Variants in CACNA1E observed in about 807,000 individuals in gnomAD.
CACNA1E encodes voltage-dependent R-type calcium channel subunit alpha-1E.
Under a neutral mutation model 259.2 loss-of-function variants are expected in CACNA1E, and 40 were observed. The observed-to-expected ratio is 0.15, with a 90% CI of 0.12 to 0.20. The LOEUF (loss-of-function observed/expected upper bound fraction) is 0.20, where lower values mean the gene tolerates loss of function less well. CACNA1E is among the 10% of genes least tolerant of loss of function. The pLI, the probability that CACNA1E is intolerant of heterozygous loss-of-function variation, is 1.00. For missense variants in CACNA1E, 1,874 were observed against 3,040.1 expected, an observed-to-expected ratio of 0.62 and a Z score of 9.02; for synonymous variants, 1,104 against 1,138.5, an observed-to-expected ratio of 0.97 and a Z score of 0.61.
chr1:181,702,825 G>A (rs575811973), intron 7 of CACNA1E, among the ~76,000 whole-genome samples: 3 of 152,144 alleles, frequency 2.0e-5, no homozygotes, highest in East Asian at 3.9e-4. Flanking sequence ...CCAGCTCCCC[G>A]ACACCCAATA....
At position 181,738,386 on chromosome 1, in the gene CACNA1E, A is replaced by T. The variant is rs1352285149; in HGVS notation, c.3572A>T (p.Tyr1191Phe). ...ERNKVLRYFDYVFTGVFTFEM... is the reference protein window; with the variant it reads ...ERNKVLRYFDFVFTGVFTFEM... ...TTTCAGGTCCTGAGGTATTTTGACT[A>T]TGTGTTCACGGGCGTGTTCACCTTT... is the stretch of plus-strand genomic sequence containing the variant. The change falls in exon 24 of 48, where the codon TAT becomes TTT. Residue 1191 changes from tyrosine (Y) to phenylalanine (F), a missense_variant. Tyr to Phe is a conservative substitution (Grantham distance 22). Coordinates refer to ENST00000367573, the MANE Select transcript of CACNA1E (RefSeq NM_001205293.3). The T allele has an allele frequency of 1.2e-6, 2 of 1,613,790 alleles. No homozygotes were observed. The highest frequency in any genetic ancestry group is 2.2e-5 in the South Asian group (2 of 91,070).
intron 7 of CACNA1E, among the ~76,000 whole-genome samples, chr1:181,699,808 G>A: frequency 6.6e-6 from 1 of 152,140 alleles, no homozygotes; most frequent in Non-Finnish European, 1.5e-5. Context: ...GATGAGAAAG[G>A]AAGAAGGGAA....
intron 3 of CACNA1E, among the ~76,000 whole-genome samples, chr1:181,573,411 G>A (rs760410379): frequency 1.3e-4 from 20 of 152,124 alleles, no homozygotes; most frequent in Non-Finnish European, 2.6e-4. Flanking sequence ...GTACTTACAA[G>A]GCCCATAGTT....
chr1:181,630,067 G>T (rs978605471), intron 6 of CACNA1E, among the ~76,000 whole-genome samples: 2 of 152,248 alleles, frequency 1.3e-5, no homozygotes, highest in Middle Eastern at 3.4e-3. Context: ...CATGAAGATA[G>T]GTGGGAAGAA....
intron 3 of CACNA1E, among the ~76,000 whole-genome samples, chr1:181,576,498 G>A (rs1650991509): frequency 6.6e-6 from 1 of 152,236 alleles, no homozygotes; most frequent in Non-Finnish European, 1.5e-5. Context: ...TTTCCATACA[G>A]TTCTTTTTCT....
chr1:181,459,998 T>C (rs902864937), intron 2 of CACNA1E, among the ~76,000 whole-genome samples: 2 of 152,202 alleles, frequency 1.3e-5, no homozygotes, highest in Non-Finnish European at 2.9e-5. Context: ...TTGCCTGCCT[T>C]ACTTCCCTTT....
intron 1 of CACNA1E, among the ~76,000 whole-genome samples, chr1:181,396,262 C>T (rs1020280173): frequency 6.6e-6 from 1 of 152,222 alleles, no homozygotes; most frequent in Non-Finnish European, 1.5e-5. Context: ...TAGTGTCATG[C>T]CATCACCTCT....
chr1:181,594,408 C>T (rs77518770), intron 6 of CACNA1E, among the ~76,000 whole-genome samples: 6,398 of 152,144 alleles, frequency 0.042, 486 homozygotes, highest in African/African-American at 0.15. Flanking sequence ...GGGTTATATT[C>T]AGAAGACCTG....
chr1:181,447,205 C>T (rs936053651), intron 2 of CACNA1E, among the ~76,000 whole-genome samples: 1 of 151,968 alleles, frequency 6.6e-6, no homozygotes, highest in African/African-American at 2.4e-5. Flanking sequence ...GGGATTTTCC[C>T]CCCCTATAAA....
At chr1:181,565,891 C>T (rs971519113) in intron 3 of CACNA1E, among the ~76,000 whole-genome samples, 3 of 135,772 alleles carry the variant, frequency 2.2e-5, no homozygotes, top group Admixed American at 1.5e-4. Context: ...CTGGGGGGTA[C>T]CTGCGGAGAG....
Position 181,580,662 on chromosome 1 carries a change from C to T in CACNA1E, c.837C>T (p.Cys279=), listed in dbSNP as rs1212962552. Residue 279 remains cysteine (C), a synonymous_variant, in exon 6 of 48, where the codon TGC becomes TGT. Transcript: ENST00000367573. ...AGGGCTGCCCAGCTGGTTATGAATG[C>T]AAGGACTGGATCGGCCCCAATGATG... is the stretch of plus-strand genomic sequence containing the variant. ...GVQGCPAGYE[C]KDWIGPNDGI... 1 of 1,614,006 alleles carries T rather than the reference C, an allele frequency of 6.2e-7. No individual in the cohort carries two copies. The highest frequency in any genetic ancestry group is 8.5e-7 in the Non-Finnish European group (1 of 1,179,874).
intron 1 of CACNA1E, among the ~76,000 whole-genome samples, chr1:181,322,029 T>G (rs2102562108): frequency 6.6e-6 from 1 of 152,198 alleles, no homozygotes; most frequent in Non-Finnish European, 1.5e-5. Flanking sequence ...ATGGGGCTTA[T>G]GGACAGGAGT....
At chr1:181,603,651 G>A (rs1367359796) in intron 6 of CACNA1E, among the ~76,000 whole-genome samples, 1 of 151,994 alleles carries the variant, frequency 6.6e-6, no homozygotes, top group African/African-American at 2.4e-5. Context: ...TTAAAGTAGG[G>A]CCATCTCTTA....
At chr1:181,716,863 T>C (rs1266838871) in intron 10 of CACNA1E, among the ~76,000 whole-genome samples, 1 of 152,208 alleles carries the variant, frequency 6.6e-6, no homozygotes, top group South Asian at 2.1e-4. Flanking sequence ...GACACTGGTG[T>C]CCTGTCTGGG....
chr1:181,736,448 G>C lies in CACNA1E; in HGVS notation c.3422+14G>C, dbSNP rs747996975. ...CACCACCAACCCGTAAGCCACCCTC[G>C]CGTTGCTCCCTCTTTAGTGCTAGGG... On this transcript the variant is annotated intron_variant, in intron 22 of 47. Coordinates refer to ENST00000367573, the MANE Select transcript of CACNA1E (RefSeq NM_001205293.3). 6.2e-7 allele frequency: 1 copy of C among 1,607,788 alleles called. No homozygotes were observed. Among genetic ancestry groups the C allele is most frequent in the Non-Finnish European group, 8.5e-7 (1 of 1,176,956 alleles).
rs1475137584 is a variant in CACNA1E at position 181,629,916 on chromosome 1, A to G, written c.952-21422A>G. ...CTGTGCGTCTGTGTGGGTCTACTTT[A>G]ATGAGTTTAGATCTAGGTGCTTGTC... On this transcript the variant is annotated intron_variant, in intron 6 of 47. Transcript: ENST00000367573. Among the ~76,000 whole-genome samples, 4 of 152,280 alleles carry G rather than the reference A, an allele frequency of 2.6e-5. No homozygotes were observed. The East Asian group carries it at 7.7e-4, about 29-fold the overall frequency.
At position 181,800,453 on chromosome 1, in the gene CACNA1E, C is replaced by T. The variant is rs535574884; in HGVS notation, c.*1619C>T. 6.5e-6 allele frequency: 1 copy of T among 152,806 alleles called. No individual in the cohort carries two copies. Among genetic ancestry groups the T allele is most frequent in the East Asian group, 1.9e-4 (1 of 5,174 alleles). The allele number at this position is 152,806 out of a possible 1,614,324, so 9.5% of individuals were successfully genotyped here. A position where few individuals can be genotyped will look rare whatever the true frequency, so the allele number is the denominator to read the frequency against. ...CAGTGCTCTTTTGGTATATGGCATA[C>T]AGCTCCATTGGAGGGGACACATCAC... On this transcript the variant is annotated 3_prime_UTR_variant, in exon 48 of 48. Coordinates refer to ENST00000367573, the MANE Select transcript of CACNA1E (RefSeq NM_001205293.3).
chr1:181,741,399 G>A (rs1257829221), intron 25 of CACNA1E, among the ~76,000 whole-genome samples: 2 of 152,218 alleles, frequency 1.3e-5, no homozygotes, highest in Admixed American at 6.5e-5. Context: ...GGGGCCTGAT[G>A]TAGTGTGAAC....
At chr1:181,395,491 T>C (rs978552679) in intron 1 of CACNA1E, among the ~76,000 whole-genome samples, 1 of 152,208 alleles carries the variant, frequency 6.6e-6, no homozygotes, top group Non-Finnish European at 1.5e-5. Context: ...TGACAACATA[T>C]ATGGTAATTC....
Sources: gnomAD v4.1 joint callset for allele counts (sites outside exome capture counted in the v4.1 genomes callset) on GRCh38, gnomAD v4.1.1 for gene constraint, MANE v1.5 for transcripts, NCBI Gene and HGNC (gene_info 2026-07-23, HGNC 2026-07-21) for gene names.